The following FBXO34 variants were observed in gnomAD, a reference collection of about 807,000 sequenced individuals.
The protein encoded by FBXO34 is F-box only protein 34.
Under a neutral mutation model 24.5 loss-of-function variants are expected in FBXO34, and 12 were observed. The ratio of observed to expected loss-of-function variants is 0.49; its 90% confidence interval spans 0.31 to 0.79. The LOEUF (loss-of-function observed/expected upper bound fraction) is 0.79. Among genes scored for constraint, FBXO34 ranks in the 30% least tolerant of loss-of-function variants. The probability of loss-of-function intolerance (pLI) is 0.04; values close to 1 mark genes in which losing one functional copy is unlikely to be tolerated. For synonymous variants in FBXO34, 320 were observed against 311.9 expected (o/e 1.03, Z -0.27); for missense variants, 823 against 857.7 (o/e 0.96, Z 0.51).
chr14:55,320,004 T>G (rs1883073885), intron 1 of FBXO34, among the ~76,000 whole-genome samples: 1 of 152,100 alleles, frequency 6.6e-6, no homozygotes, highest in African/African-American at 2.4e-5. Flanking sequence ...GAAACTCCTT[T>G]AAGGGTACAA....
At chr14:55,439,414 G>A in the FBXO34 span, among the ~76,000 whole-genome samples, 2 of 152,158 alleles carry the variant, frequency 1.3e-5, 1 homozygote, top group African/African-American at 4.8e-5. Flanking sequence ...GGGGCTCTCT[G>A]TTTCCCCTGT....
chr14:55,349,611 T>C (rs867353366), intron 1 of FBXO34, among the ~76,000 whole-genome samples: 12 of 146,930 alleles, frequency 8.2e-5, no homozygotes, highest in South Asian at 2.2e-4. Context: ...AATTTTCTTT[T>C]TTTTTTTTTT....
chr14:55,400,577 C>T, the FBXO34 span, among the ~76,000 whole-genome samples: 4 of 152,176 alleles, frequency 2.6e-5, no homozygotes, highest in Non-Finnish European at 5.9e-5. Flanking sequence ...CTTTTATAGG[C>T]TTTCAAGTTT....
At chr14:55,387,613 C>G in the FBXO34 span, among the ~76,000 whole-genome samples, 7 of 152,150 alleles carry the variant, frequency 4.6e-5, no homozygotes, top group African/African-American at 1.7e-4. Context: ...CACCCTCCCA[C>G]CCTCTTTCAC....
chr14:55,414,708 A>G, the FBXO34 span, among the ~76,000 whole-genome samples: 1 of 152,194 alleles, frequency 6.6e-6, no homozygotes, highest in African/African-American at 2.4e-5. Flanking sequence ...GCTCAGTATG[A>G]AATGTGGAAT....
intron 1 of FBXO34, among the ~76,000 whole-genome samples, chr14:55,283,155 G>A (rs1202389220): frequency 6.6e-6 from 1 of 152,142 alleles, no homozygotes; most frequent in Non-Finnish European, 1.5e-5. Flanking sequence ...CTATCAAAAT[G>A]TTTCCTGAAA....
chr14:55,333,835 A>G lies in FBXO34; in HGVS notation c.-10-16546A>G, dbSNP rs943812704. On this transcript the variant is annotated intron_variant, in intron 1 of 1. Coordinates refer to ENST00000313833, the MANE Select transcript of FBXO34 (RefSeq NM_017943.4). Reference sequence around the variant, plus strand: ...TCTTGTTGGGACTTAGTGTCTGTATATTTTAGTATTTAAAGGATGTGGTTT... The same window carrying G: ...TCTTGTTGGGACTTAGTGTCTGTATGTTTTAGTATTTAAAGGATGTGGTTT... Among the ~76,000 whole-genome samples, 6 of 151,690 alleles carry G rather than the reference A, an allele frequency of 4.0e-5. No individual in the cohort carries two copies. In the South Asian group the frequency reaches 1.3e-3, roughly 32 times the overall value.
rs566967371 is a variant in FBXO34, at chr14:55,353,185, C to T, written c.*659C>T. On this transcript the variant is annotated 3_prime_UTR_variant, in exon 2 of 2. Transcript: ENST00000313833. ...TGCTTTGGCCCCTCTGTGAATAGCA[C>T]GATTAAAATCCAGTTGTATATAATG... 2.4e-5 allele frequency: 4 copies of T among 166,844 alleles called. No individual in the cohort carries two copies. Among genetic ancestry groups the T allele is most frequent in the South Asian group, 2.1e-4 (1 of 4,822 alleles). The allele number at this position is 166,844 out of a possible 1,614,324, so 10.3% of individuals were successfully genotyped here.
chr14:55,412,853 T>C, the FBXO34 span, among the ~76,000 whole-genome samples: 1 of 152,288 alleles, frequency 6.6e-6, no homozygotes, highest in East Asian at 1.9e-4. Flanking sequence ...TCTGCCTCCC[T>C]ACAAACCTGT....
At chr14:55,334,423 C>G (rs1883703199) in intron 1 of FBXO34, among the ~76,000 whole-genome samples, 1 of 150,880 alleles carries the variant, frequency 6.6e-6, no homozygotes, top group Admixed American at 6.7e-5. Context: ...TTACTTCTAT[C>G]TTGAAGACAG....
At chr14:55,415,694 C>T in the FBXO34 span, among the ~76,000 whole-genome samples, 1 of 151,974 alleles carries the variant, frequency 6.6e-6, no homozygotes, top group Non-Finnish European at 1.5e-5. Flanking sequence ...GCGAAACCCC[C>T]GTCTCTACTA....
the FBXO34 span, among the ~76,000 whole-genome samples, chr14:55,403,759 T>C: frequency 2.8e-4 from 43 of 152,174 alleles, no homozygotes; most frequent in African/African-American, 1.0e-3. Flanking sequence ...CATAGGATAT[T>C]GAGGACTGTG....
chr14:55,437,179 T>C, the FBXO34 span, among the ~76,000 whole-genome samples: 2 of 152,228 alleles, frequency 1.3e-5, no homozygotes, highest in Non-Finnish European at 1.5e-5. Flanking sequence ...GAAAATGCCA[T>C]TAAGATTCTA....
At chr14:55,366,440 T>G (rs968116672), downstream of FBXO34, 1 of 152,616 alleles carries the variant, frequency 6.6e-6, no homozygotes, top group East Asian at 1.9e-4. Flanking sequence ...TAGAAAACAT[T>G]TGTATGACTC....
chr14:55,385,456 C>A, the FBXO34 span, among the ~76,000 whole-genome samples: 2 of 152,192 alleles, frequency 1.3e-5, no homozygotes, highest in African/African-American at 4.8e-5. Flanking sequence ...CCACGCCTGG[C>A]TAATTTTTGT....
chr14:55,440,476 G>A, the FBXO34 span: 18 of 1,612,648 alleles, frequency 1.1e-5, no homozygotes, highest in Non-Finnish European at 1.5e-5. Flanking sequence ...GTTGGGGGTG[G>A]GGGCGGGTAA....
At chr14:55,271,692 C>A (rs1881149686) in intron 1 of FBXO34, among the ~76,000 whole-genome samples, 155 bp downstream of exon 1, 1 of 150,172 alleles carries the variant, frequency 6.7e-6, no homozygotes, top group South Asian at 2.1e-4. Flanking sequence ...GCCCGCGGGT[C>A]CGGGGTAGGG....
intron 1 of FBXO34, among the ~76,000 whole-genome samples, chr14:55,320,533 C>T (rs375238964): frequency 1.3e-5 from 2 of 152,070 alleles, no homozygotes; most frequent in African/African-American, 4.8e-5. Flanking sequence ...GGGCAGATCA[C>T]GAGGTCAGGA....
rs1566559478 is a variant in FBXO34, at chr14:55,331,729, G to GTGTGTATATATATATATATGTATA, written c.-10-18651_-10-18650insGTGTATATATATATATATGTATAT. 1.1e-4 allele frequency among the ~76,000 whole-genome samples: 3 copies of GTGTGTATATATATATATATGTATA among 28,034 alleles called. No individual in the cohort carries two copies. The South Asian group carries it at 2.8e-3, about 26-fold the overall frequency. 18.4% of individuals were successfully genotyped at this position (28,034 alleles called of 152,430 possible). ...TGTATATATATATGTATATATATAT[G>GTGTGTATATATATATATATGTATA]TATATATATATGTGTGTATATATAT... On this transcript the variant is annotated intron_variant, in intron 1 of 1. Transcript: ENST00000313833.
Sources: allele counts gnomAD v4.1 joint callset (sites outside exome capture counted in the v4.1 genomes callset), GRCh38; gene constraint gnomAD v4.1.1; transcripts MANE v1.5; gene names NCBI Gene and HGNC (gene_info 2026-07-23, HGNC 2026-07-21).